Variants in EIF3H observed in about 807,000 individuals in gnomAD.
The protein encoded by EIF3H is eukaryotic translation initiation factor 3 subunit H.
EIF3H carries 26 observed loss-of-function variants against 44.2 expected under a neutral mutation model. That is an observed-to-expected ratio of 0.59 (90% CI 0.43 to 0.82). The LOEUF (loss-of-function observed/expected upper bound fraction) is 0.82. EIF3H is among the 40% of genes least tolerant of loss of function. The pLI, the probability that EIF3H is intolerant of heterozygous loss-of-function variation, is 0.00. For missense variants in EIF3H, 359 were observed against 432.8 expected (o/e 0.83, Z 1.51); for synonymous variants, 166 against 151.9 (o/e 1.09, Z -0.68).
intron 2 of EIF3H, among the ~76,000 whole-genome samples, chr8:116,719,119 A>G (rs1333934754): frequency 1.3e-5 from 2 of 152,198 alleles, no homozygotes; most frequent in Non-Finnish European, 2.9e-5. Context: ...ATAACTGACC[A>G]TTGGATCACA....
intron 1 of EIF3H, among the ~76,000 whole-genome samples, chr8:116,745,428 A>G (rs938552748): frequency 1.1e-4 from 16 of 152,376 alleles, no homozygotes; most frequent in Admixed American, 2.0e-4. Context: ...CATGAGAAGT[A>G]CTGCATATGC....
At chr8:116,748,482 G>A (rs1815275663) in intron 1 of EIF3H, among the ~76,000 whole-genome samples, 2 of 152,224 alleles carry the variant, frequency 1.3e-5, no homozygotes, top group South Asian at 4.1e-4. Context: ...CCTCAACTGT[G>A]TGCTCTTTTC....
intron 2 of EIF3H, among the ~76,000 whole-genome samples, chr8:116,720,889 G>T (rs1188934681): frequency 6.6e-6 from 1 of 152,106 alleles, no homozygotes; most frequent in Non-Finnish European, 1.5e-5. Flanking sequence ...AGGTGACTTG[G>T]GTGCTGTTAA....
intron 2 of EIF3H, among the ~76,000 whole-genome samples, chr8:116,675,009 T>C (rs1236224578): frequency 6.6e-6 from 1 of 152,250 alleles, no homozygotes; most frequent in Non-Finnish European, 1.5e-5. Flanking sequence ...CTTGTCCATC[T>C]TTAAAGACAA....
chr8:116,676,137 A>G (rs1813842310), intron 2 of EIF3H, among the ~76,000 whole-genome samples: 1 of 152,258 alleles, frequency 6.6e-6, no homozygotes, highest in African/African-American at 2.4e-5. Context: ...CAACAGATAC[A>G]TACGCAATTA....
At chr8:116,752,791 G>GGAA (rs1563663281) in intron 1 of EIF3H, among the ~76,000 whole-genome samples, 6,523 of 71,472 alleles carry the variant, frequency 0.091, 984 homozygotes, top group Middle Eastern at 0.13. Flanking sequence ...GAGGGAGGGA[G>GGAA]GGAGGGAAGG....
chr8:116,654,354 G>A (rs978745196), intron 5 of EIF3H, among the ~76,000 whole-genome samples: 1 of 152,200 alleles, frequency 6.6e-6, no homozygotes, highest in African/African-American at 2.4e-5. Context: ...TTATAGACCA[G>A]CTCATTGGTA....
At chr8:116,752,779 G>GGAAGGAA (rs1563663197) in intron 1 of EIF3H, among the ~76,000 whole-genome samples, 5 of 53,558 alleles carry the variant, frequency 9.3e-5, no homozygotes, top group African/African-American at 2.7e-4. Flanking sequence ...GAGGGAGGGA[G>GGAAGGAA]GGAGGGAGGG....
chr8:116,715,280 C>T (rs1563650807), intron 2 of EIF3H, among the ~76,000 whole-genome samples: 2 of 151,846 alleles, frequency 1.3e-5, no homozygotes, highest in South Asian at 4.1e-4. Context: ...TACTCCAACA[C>T]CAAATTTGAT....
At chr8:116,648,203 C>T (rs1353782464) in intron 6 of EIF3H, among the ~76,000 whole-genome samples, 1 of 152,150 alleles carries the variant, frequency 6.6e-6, no homozygotes, top group Admixed American at 6.5e-5. Context: ...GCTAAGAACA[C>T]TTTAGAGCAG....
At chr8:116,694,999 G>GA (rs1814244171) in intron 2 of EIF3H, among the ~76,000 whole-genome samples, 1 of 148,570 alleles carries the variant, frequency 6.7e-6, no homozygotes, top group South Asian at 2.1e-4. Context: ...TCTTTAAAAA[G>GA]AAAGTGAAAC....
At chr8:116,706,240 G>C (rs1222012068) in intron 2 of EIF3H, among the ~76,000 whole-genome samples, 1 of 152,176 alleles carries the variant, frequency 6.6e-6, no homozygotes, top group East Asian at 1.9e-4. Flanking sequence ...ACTTCTGTAA[G>C]CTCTGAAGAA....
intron 6 of EIF3H, among the ~76,000 whole-genome samples, chr8:116,647,358 C>T (rs570167512): frequency 6.6e-6 from 1 of 152,334 alleles, no homozygotes; most frequent in African/African-American, 2.4e-5. Context: ...CCTCGGCCTC[C>T]CCAAGTGCTG....
At chr8:116,690,658 T>C (rs920953168) in intron 2 of EIF3H, among the ~76,000 whole-genome samples, 6 of 152,244 alleles carry the variant, frequency 3.9e-5, no homozygotes, top group African/African-American at 2.4e-5. Flanking sequence ...TGTAGACTGC[T>C]ATAACATTAC....
At chr8:116,720,228 T>A (rs1814721895) in intron 2 of EIF3H, among the ~76,000 whole-genome samples, 1 of 152,196 alleles carries the variant, frequency 6.6e-6, no homozygotes, top group Admixed American at 6.5e-5. Flanking sequence ...TTTACAATTG[T>A]TTGATTTAAA....
chr8:116,762,898 T>G (rs1385044013), intron 1 of EIF3H, among the ~76,000 whole-genome samples: 2 of 152,080 alleles, frequency 1.3e-5, no homozygotes, highest in Non-Finnish European at 2.9e-5. Flanking sequence ...GAGCCAAGAT[T>G]GTGCCACTGC....
chr8:116,669,656 T>G (rs1409239851), intron 2 of EIF3H, among the ~76,000 whole-genome samples: 1 of 152,168 alleles, frequency 6.6e-6, no homozygotes, highest in Admixed American at 6.5e-5. Flanking sequence ...TCAGGATGAT[T>G]TGGATTTTAA....
At chr8:116,748,505 A>C (rs1055118230) in intron 1 of EIF3H, among the ~76,000 whole-genome samples, 3 of 152,236 alleles carry the variant, frequency 2.0e-5, no homozygotes, top group Non-Finnish European at 4.4e-5. Context: ...ACCAACACTC[A>C]AGCATTTACT....
upstream of EIF3H, chr8:116,756,091 T>A (rs1815445892): frequency 2.4e-6 from 3 of 1,260,082 alleles, no homozygotes; most frequent in Non-Finnish European, 3.3e-6. Context: ...AGCATTACAG[T>A]TCGCATTATT....
Sources: gnomAD v4.1 joint callset for allele counts (sites outside exome capture counted in the v4.1 genomes callset) on GRCh38, gnomAD v4.1.1 for gene constraint, MANE v1.5 for transcripts, NCBI Gene and HGNC (gene_info 2026-07-23, HGNC 2026-07-21) for gene names.